Variants in PATJ observed in about 807,000 individuals in gnomAD.
PATJ encodes inaD-like protein.
Under a neutral mutation model 224.9 loss-of-function variants are expected in PATJ, and 190 were observed. The ratio of observed to expected loss-of-function variants is 0.84; its 90% CI spans 0.75 to 0.95. PATJ has a LOEUF of 0.95. PATJ is among the 40% of genes least tolerant of loss of function. The pLI, the probability that PATJ is intolerant of heterozygous loss-of-function variation, is 0.00. For missense variants in PATJ, 2,121 were observed against 2,270.3 expected (o/e 0.93, Z 1.34); for synonymous variants, 769 against 820.3 (o/e 0.94, Z 1.07).
intron 29 of PATJ, among the ~76,000 whole-genome samples, chr1:62,024,570 T>C (rs1245583753): frequency 1.3e-5 from 2 of 151,944 alleles, no homozygotes; most frequent in Non-Finnish European, 2.9e-5. Flanking sequence ...ATGAGCTTGC[T>C]TTTTTTCTTT....
intron 27 of PATJ, among the ~76,000 whole-genome samples, chr1:61,942,178 A>T (rs1341113401): frequency 6.6e-6 from 1 of 152,220 alleles, no homozygotes; most frequent in Non-Finnish European, 1.5e-5. Flanking sequence ...GAATGTACAG[A>T]ACTACTTTGA....
At chr1:61,850,875 A>G (rs2148884047) in intron 17 of PATJ, among the ~76,000 whole-genome samples, 1 of 152,366 alleles carries the variant, frequency 6.6e-6, no homozygotes. Context: ...AGTGCCTGGT[A>G]TGGCAAGAGC....
intron 22 of PATJ, among the ~76,000 whole-genome samples, chr1:61,884,744 T>C (rs1438237384): frequency 6.6e-6 from 1 of 152,146 alleles, no homozygotes; most frequent in South Asian, 2.1e-4. Flanking sequence ...TCTACAGGAA[T>C]CCCTTGACTC....
chr1:61,788,105 A>AG (rs1180679328), intron 8 of PATJ, 133 bp downstream of exon 8: 1 of 658,276 alleles, frequency 1.5e-6, no homozygotes, highest in Non-Finnish European at 2.5e-6. Flanking sequence ...GGAAAAAAAA[A>AG]ACTTATTGGG....
chr1:62,114,273 T>C (rs779082264), intron 35 of PATJ, 27 bp downstream of exon 35: 2 of 1,602,830 alleles, frequency 1.2e-6, no homozygotes, highest in South Asian at 2.2e-5. Context: ...GGAGTTGGGA[T>C]CTGCCTTTTT....
chr1:62,017,609 G>C (rs1646846276), intron 28 of PATJ, among the ~76,000 whole-genome samples: 1 of 151,276 alleles, frequency 6.6e-6, no homozygotes, highest in Admixed American at 6.6e-5. Flanking sequence ...GCACATGCTG[G>C]TAATTCCAGC....
intron 27 of PATJ, among the ~76,000 whole-genome samples, chr1:61,954,296 G>A (rs1680123311): frequency 6.6e-6 from 1 of 152,014 alleles, no homozygotes; most frequent in African/African-American, 2.4e-5. Flanking sequence ...TCTATTTCAT[G>A]TTTCTTTTTG....
At chr1:62,105,179 C>T (rs962250717) in intron 33 of PATJ, among the ~76,000 whole-genome samples, 7 of 152,056 alleles carry the variant, frequency 4.6e-5, no homozygotes, top group African/African-American at 7.2e-5. Flanking sequence ...GTTCATTGAG[C>T]GCCAGAAAAT....
intron 26 of PATJ, among the ~76,000 whole-genome samples, chr1:61,916,332 A>G (rs940564169): frequency 2.0e-5 from 3 of 152,218 alleles, no homozygotes; most frequent in South Asian, 2.1e-4. Context: ...GATATTTTTA[A>G]TAAGAATATG....
chr1:61,831,164 A>C (rs1659243557), intron 16 of PATJ, among the ~76,000 whole-genome samples: 1 of 145,694 alleles, frequency 6.9e-6, no homozygotes, highest in Admixed American at 6.9e-5. Context: ...CTCCAGCCTG[A>C]GTGACAGAGC....
chr1:62,079,480 C>T lies in PATJ; in HGVS notation c.4156C>T (p.Pro1386Ser), dbSNP rs1411344787. 1.2e-6 allele frequency: 2 copies of T among 1,613,508 alleles called. No individual in the cohort carries two copies. The highest frequency in any genetic ancestry group is 1.7e-6 in the Non-Finnish European group (2 of 1,179,662). Reference sequence around the variant, plus strand: ...CAGCCAGATGAAACAGCAAAAATATCCAACAAAAGTCTCCTTCAGTTCACA... The same window carrying T: ...CAGCCAGATGAAACAGCAAAAATATTCAACAAAAGTCTCCTTCAGTTCACA... ...AVSQMKQQKY[P>S]TKVSFSSQEI... is the part of the protein sequence containing the mutation. Residue 1386 changes from proline (P) to serine (S), a missense_variant, in exon 32 of 44, where the codon CCA becomes TCA. Pro to Ser is a moderately conservative substitution (Grantham distance 74). Transcript: ENST00000642238.
At position 61,772,023 on chromosome 1, in the gene PATJ, G is replaced by A. The variant is rs555641406; in HGVS notation, c.720+397G>A. ...AGGCATGAGCCACTGTGCCTGGCCC[G>A]TTTTACTTTTCATGGTTAAAAAAGA... On this transcript the variant is annotated intron_variant, in intron 6 of 43. Transcript: ENST00000642238. 9.3e-5 allele frequency among the ~76,000 whole-genome samples: 14 copies of A among 149,872 alleles called. No homozygotes were observed. The East Asian group carries it at 2.0e-3, about 21-fold the overall frequency.
At chr1:61,959,344 T>C (rs1680889269) in intron 27 of PATJ, among the ~76,000 whole-genome samples, 1 of 150,296 alleles carries the variant, frequency 6.7e-6, no homozygotes, top group African/African-American at 2.4e-5. Flanking sequence ...AATAGATAAA[T>C]TTTTGAATGT....
intron 30 of PATJ, among the ~76,000 whole-genome samples, chr1:62,041,208 G>T (rs555134153): frequency 1.3e-5 from 2 of 152,220 alleles, no homozygotes; most frequent in African/African-American, 4.8e-5. Context: ...TACCTTCAGG[G>T]GTTAACCTTT....
intron 30 of PATJ, among the ~76,000 whole-genome samples, chr1:62,047,911 A>G (rs1403725687): frequency 6.6e-6 from 1 of 152,224 alleles, no homozygotes; most frequent in Non-Finnish European, 1.5e-5. Context: ...TCCATGGTCT[A>G]TTAACAATAA....
intron 28 of PATJ, among the ~76,000 whole-genome samples, chr1:62,004,995 C>G (rs1646004080): frequency 6.6e-6 from 1 of 152,180 alleles, no homozygotes; most frequent in Non-Finnish European, 1.5e-5. Context: ...TCATCCTCCC[C>G]TACCTCTGTT....
intron 30 of PATJ, among the ~76,000 whole-genome samples, chr1:62,045,955 C>T (rs1452332119): frequency 2.0e-5 from 3 of 152,086 alleles, no homozygotes; most frequent in Non-Finnish European, 4.4e-5. Context: ...AATCCCAGCA[C>T]TTTGGGAGGC....
intron 29 of PATJ, among the ~76,000 whole-genome samples, chr1:62,030,149 T>C (rs1280041468): frequency 6.6e-6 from 1 of 152,212 alleles, no homozygotes; most frequent in Non-Finnish European, 1.5e-5. Flanking sequence ...AGCCTTTAGA[T>C]TAAACCATTA....
intron 21 of PATJ, among the ~76,000 whole-genome samples, chr1:61,877,663 T>C (rs11207849): frequency 0.56 from 85,097 of 151,888 alleles, 24,426 homozygotes; most frequent in Non-Finnish European, 0.63. Context: ...TCTGCCATGA[T>C]TGTAAGTTTC....
Sources: allele counts gnomAD v4.1 joint callset (sites outside exome capture counted in the v4.1 genomes callset), GRCh38; gene constraint gnomAD v4.1.1; transcripts MANE v1.5; gene names NCBI Gene and HGNC (gene_info 2026-07-23, HGNC 2026-07-21).